The following ACSM2A variants were observed in gnomAD, a reference collection of about 807,000 sequenced individuals.
The protein encoded by ACSM2A is acyl-coenzyme A synthetase ACSM2A, mitochondrial.
A neutral mutation model predicts 76.6 loss-of-function variants in ACSM2A; 72 were observed. The ratio of observed to expected loss-of-function variants is 0.94; its 90% CI spans 0.78 to 1.14. The LOEUF is 1.14. Among genes scored for constraint, ACSM2A ranks in the 50% most tolerant of loss-of-function variants. The pLI, the probability that ACSM2A is intolerant of heterozygous loss-of-function variation, is 0.00. For missense variants in ACSM2A, 684 were observed against 708.5 expected (o/e 0.97, Z 0.39); for synonymous variants, 249 against 255.9 (o/e 0.97, Z 0.26).
At chr16:20,466,026 G>A (rs1406069528) in intron 3 of ACSM2A, among the ~76,000 whole-genome samples, 3 of 152,100 alleles carry the variant, frequency 2.0e-5, no homozygotes, top group East Asian at 1.9e-4. Flanking sequence ...ATGATAATTG[G>A]TATGAGAATT....
intron 9 of ACSM2A, 52 bp from the exon 10 acceptor site, chr16:20,478,524 G>A: frequency 6.3e-7 from 1 of 1,583,058 alleles, no homozygotes; most frequent in Non-Finnish European, 8.6e-7. Flanking sequence ...TGATGCCATT[G>A]AAGCCATCTC....
intron 9 of ACSM2A, 22 bp downstream of exon 9, chr16:20,477,471 G>A (rs769370642): frequency 6.4e-5 from 102 of 1,584,182 alleles, no homozygotes; most frequent in Non-Finnish European, 7.7e-5. Context: ...ACACTGAGGA[G>A]GGAGGAAGTT....
At chr16:20,467,116 T>G (rs1358538791) in intron 3 of ACSM2A, among the ~76,000 whole-genome samples, 1 of 152,196 alleles carries the variant, frequency 6.6e-6, no homozygotes, top group Non-Finnish European at 1.5e-5. Flanking sequence ...GTCATAATTT[T>G]TCCAAAGGCA....
chr16:20,473,218 A>G (rs1042887477), intron 6 of ACSM2A, among the ~76,000 whole-genome samples: 3 of 152,296 alleles, frequency 2.0e-5, no homozygotes, highest in South Asian at 2.1e-4. Flanking sequence ...GTCAGGTGTG[A>G]TCTGGATTTT....
intron 2 of ACSM2A, among the ~76,000 whole-genome samples, chr16:20,463,117 A>T (rs2141700644): frequency 6.6e-6 from 1 of 151,490 alleles, no homozygotes; most frequent in Non-Finnish European, 1.5e-5. Context: ...ACATTAGGCG[A>T]TATACCTAAT....
chr16:20,462,591 GT>G (rs1303742130), intron 2 of ACSM2A, among the ~76,000 whole-genome samples: 1 of 152,066 alleles, frequency 6.6e-6, no homozygotes, highest in African/African-American at 2.4e-5. Context: ...GACATGTTTT[GT>G]TTTTGATTTT....
rs375001889 is a variant in ACSM2A, at chr16:20,479,621, C to T, written c.1281+944C>T. 2.1e-3 allele frequency among the ~76,000 whole-genome samples: 315 copies of T among 152,306 alleles called. 1 individual carries two copies. Among genetic ancestry groups the T allele is most frequent in the South Asian group, 2.9e-3 (14 of 4,814 alleles). Reference sequence around the variant, plus strand: ...ATTATACAGATGAGGAAAACTGAGCCTCAGTGATCAGGGCAGAGCCACACT... The same window carrying T: ...ATTATACAGATGAGGAAAACTGAGCTTCAGTGATCAGGGCAGAGCCACACT... On this transcript the variant is annotated intron_variant, in intron 10 of 13. Coordinates refer to ENST00000573854, the MANE Select transcript of ACSM2A (RefSeq NM_001308172.2).
chr16:20,478,512 C>G, intron 9 of ACSM2A, 64 bp from the exon 10 acceptor site: 2 of 1,567,078 alleles, frequency 1.3e-6, no homozygotes, highest in Non-Finnish European at 1.7e-6. Flanking sequence ...TCAGCAATCT[C>G]ATGATGCCAT....
At chr16:20,482,819 G>A in intron 12 of ACSM2A, 1 of 406,026 alleles carries the variant, frequency 2.5e-6, no homozygotes, top group Non-Finnish European at 4.4e-6. Flanking sequence ...TATTGTTATT[G>A]GAGTATGAGG....
intron 2 of ACSM2A, among the ~76,000 whole-genome samples, chr16:20,465,175 A>C (rs1478315654): frequency 1.3e-5 from 2 of 152,186 alleles, no homozygotes; most frequent in Non-Finnish European, 2.9e-5. Flanking sequence ...GCAATAAATA[A>C]ATAAAATAAT....
chr16:20,467,695 T>C (rs1195154746), intron 3 of ACSM2A, among the ~76,000 whole-genome samples: 1 of 152,086 alleles, frequency 6.6e-6, no homozygotes, highest in African/African-American at 2.4e-5. Flanking sequence ...GAGGTATTAG[T>C]GTGTTAGGAA....
At chr16:20,468,240 G>C (rs867688893) in intron 3 of ACSM2A, among the ~76,000 whole-genome samples, 2 of 152,192 alleles carry the variant, frequency 1.3e-5, no homozygotes, top group Admixed American at 6.5e-5. Flanking sequence ...TTACAGGTAT[G>C]CAGTGAGAAT....
chr16:20,482,956 G>A, intron 12 of ACSM2A, 102 bp from the exon 13 acceptor site: 1 of 1,518,658 alleles, frequency 6.6e-7, no homozygotes, highest in Non-Finnish European at 8.9e-7. Flanking sequence ...GTGCAAATGA[G>A]GAGATACAAG....
In ACSM2A at chr16:20,483,178, G is replaced by A. The variant is rs1336496938; in HGVS notation, c.1629+1G>A. 1 of 1,613,624 alleles carries A rather than the reference G, an allele frequency of 6.2e-7. No homozygotes were observed. The highest frequency in any genetic ancestry group is 8.5e-7 in the Non-Finnish European group (1 of 1,179,818). On this transcript the variant is annotated splice_donor_variant, in intron 13 of 13. Transcript: ENST00000573854. LOFTEE classifies it high-confidence loss of function. ...AGCCCCATACAAGTACCCAAGAAAGGTAAGGCCTTTGAGCTCCCAAGTCAC... is the reference window on the plus strand; with the variant it reads ...AGCCCCATACAAGTACCCAAGAAAGATAAGGCCTTTGAGCTCCCAAGTCAC...
At chr16:20,458,367 T>C (rs1183377957) in intron 1 of ACSM2A, among the ~76,000 whole-genome samples, 1 of 147,230 alleles carries the variant, frequency 6.8e-6, no homozygotes, top group African/African-American at 2.5e-5. Flanking sequence ...TATCTAGATA[T>C]ATATGTATTA....
chr16:20,470,895 C>G (rs1395305562), intron 4 of ACSM2A, 178 bp from the exon 5 acceptor site: 1 of 992,506 alleles, frequency 1.0e-6, no homozygotes, highest in Non-Finnish European at 1.5e-6. Flanking sequence ...CAGTAGTTTT[C>G]AAACCCAACT....
intron 2 of ACSM2A, among the ~76,000 whole-genome samples, chr16:20,461,436 C>A (rs1318057946): frequency 6.6e-6 from 1 of 152,162 alleles, no homozygotes; most frequent in Non-Finnish European, 1.5e-5. Context: ...TACCATGACT[C>A]ACCATTCTGA....
intron 1 of ACSM2A, among the ~76,000 whole-genome samples, chr16:20,458,925 TATATATAC>T (rs1160909497): frequency 0.028 from 1,732 of 62,618 alleles, 26 homozygotes; most frequent in East Asian, 0.14. Flanking sequence ...TATATATATA[TATATATAC>T]ATATATATAT....
intron 1 of ACSM2A, among the ~76,000 whole-genome samples, chr16:20,451,888 C>A (rs192552494): frequency 2.7e-5 from 4 of 145,988 alleles, no homozygotes; most frequent in African/African-American, 1.0e-4. Context: ...CAGGGAGAGA[C>A]GAGGGCAGCT....
Sources: allele counts gnomAD v4.1 joint callset (sites outside exome capture counted in the v4.1 genomes callset), GRCh38; gene constraint gnomAD v4.1.1; transcripts MANE v1.5; gene names NCBI Gene and HGNC (gene_info 2026-07-23, HGNC 2026-07-21).